Variants in SLC4A4 observed in about 807,000 individuals in gnomAD.
SLC4A4 encodes the protein solute carrier family 4 member 4, also known as electrogenic sodium bicarbonate cotransporter 1.
A neutral mutation model predicts 111.5 loss-of-function variants in SLC4A4; 27 were observed. That is an observed-to-expected ratio of 0.24 (90% CI 0.18 to 0.33). The LOEUF (loss-of-function observed/expected upper bound fraction) is 0.33. SLC4A4 is among the 10% of genes least tolerant of loss of function. The pLI is 1.00. For missense variants in SLC4A4, 909 were observed against 1,315.5 expected, an observed-to-expected ratio of 0.69 and a Z score of 4.78; for synonymous variants, 443 against 463.4, an observed-to-expected ratio of 0.96 and a Z score of 0.57.
chr4:71,164,506 C>T (rs1744690299), intron 2 of SLC4A4, among the ~76,000 whole-genome samples: 1 of 151,252 alleles, frequency 6.6e-6, no homozygotes, highest in Non-Finnish European at 1.5e-5. Context: ...GGCTTTAAAC[C>T]CTAAGTGTGT....
chr4:71,526,271 T>C (rs1278392824), intron 16 of SLC4A4, among the ~76,000 whole-genome samples: 1 of 152,082 alleles, frequency 6.6e-6, no homozygotes, highest in East Asian at 1.9e-4. Context: ...ATCTTAATAA[T>C]AAACACTCTC....
intron 16 of SLC4A4, among the ~76,000 whole-genome samples, chr4:71,501,049 A>G (rs1730875666): frequency 2.6e-5 from 4 of 152,186 alleles, no homozygotes; most frequent in African/African-American, 7.2e-5. Context: ...CTTTGGTAGT[A>G]TGGACTTTTT....
At chr4:71,468,172 T>C (rs1727552522) in intron 13 of SLC4A4, among the ~76,000 whole-genome samples, 1 of 152,120 alleles carries the variant, frequency 6.6e-6, no homozygotes, top group Non-Finnish European at 1.5e-5. Context: ...TCTATCATAA[T>C]TCTCAGAAGA....
chr4:71,343,085 G>A (rs757018535), intron 4 of SLC4A4, among the ~76,000 whole-genome samples: 4 of 152,158 alleles, frequency 2.6e-5, no homozygotes, highest in African/African-American at 4.8e-5. Context: ...TACCATGTCT[G>A]TTCACTATCA....
chr4:71,196,770 G>A (rs182746536), intron 1 of SLC4A4, among the ~76,000 whole-genome samples: 46 of 133,088 alleles, frequency 3.5e-4, no homozygotes, highest in African/African-American at 1.3e-3. Context: ...GGAGGCAGAG[G>A]CTGCAGTGAG....
intron 2 of SLC4A4, among the ~76,000 whole-genome samples, chr4:71,134,465 G>A (rs750845462): frequency 1.3e-5 from 2 of 152,208 alleles, no homozygotes; most frequent in Non-Finnish European, 2.9e-5. Context: ...AAGCTCTTTG[G>A]TGAAGGAGGA....
chr4:71,451,504 C>T (rs1280194631), intron 11 of SLC4A4, among the ~76,000 whole-genome samples: 1 of 152,056 alleles, frequency 6.6e-6, no homozygotes, highest in Non-Finnish European at 1.5e-5. Flanking sequence ...ATTGTAGTGA[C>T]AAGACATAAA....
At chr4:71,155,315 G>T (rs1216958518) in intron 2 of SLC4A4, among the ~76,000 whole-genome samples, 2 of 152,000 alleles carry the variant, frequency 1.3e-5, no homozygotes, top group Non-Finnish European at 2.9e-5. Context: ...TTGAATTAAG[G>T]TATCTCCATT....
intron 22 of SLC4A4, among the ~76,000 whole-genome samples, chr4:71,559,179 C>T (rs4694401): frequency 0.98 from 149,702 of 152,000 alleles, 73,750 homozygotes; most frequent in East Asian, 1. Context: ...ATAGAGAGCA[C>T]GATGCTGATA....
intron 7 of SLC4A4, among the ~76,000 whole-genome samples, chr4:71,435,390 C>A (rs750645279): frequency 2.6e-5 from 4 of 152,130 alleles, no homozygotes; most frequent in Non-Finnish European, 5.9e-5. Flanking sequence ...CTTCCTTACA[C>A]CTTATACAAA....
chr4:71,302,578 G>A (rs1382626930), intron 3 of SLC4A4, among the ~76,000 whole-genome samples: 1 of 152,200 alleles, frequency 6.6e-6, no homozygotes, highest in Non-Finnish European at 1.5e-5. Flanking sequence ...GTTGCCTGTA[G>A]CTCATTCTCT....
intron 3 of SLC4A4, among the ~76,000 whole-genome samples, chr4:71,266,176 C>CT: frequency 6.6e-6 from 1 of 152,196 alleles, no homozygotes; most frequent in Admixed American, 6.5e-5. Context: ...GGCAGTGGGA[C>CT]TTTTTTGGAA....
At chr4:71,332,465 G>A (rs928010326) in intron 3 of SLC4A4, among the ~76,000 whole-genome samples, 4 of 135,126 alleles carry the variant, frequency 3.0e-5, no homozygotes, top group African/African-American at 1.1e-4. Flanking sequence ...TTTTTTTTGA[G>A]ACGGAGTCTC....
chr4:71,328,259 G>A (rs1229175574), intron 3 of SLC4A4, among the ~76,000 whole-genome samples: 3 of 152,012 alleles, frequency 2.0e-5, no homozygotes, highest in African/African-American at 7.2e-5. Context: ...CCAAATCTTG[G>A]CTAGTATGAA....
intron 3 of SLC4A4, among the ~76,000 whole-genome samples, chr4:71,310,596 T>C (rs1726059378): frequency 6.6e-6 from 1 of 152,196 alleles, no homozygotes; most frequent in Admixed American, 6.5e-5. Context: ...CTAAGTTTCA[T>C]AAGCAAAGGA....
At chr4:71,529,810 A>G (rs1733756632) in intron 16 of SLC4A4, among the ~76,000 whole-genome samples, 1 of 152,118 alleles carries the variant, frequency 6.6e-6, no homozygotes, top group Admixed American at 6.6e-5. Context: ...TGTGTTGCCC[A>G]CTAGTTGCAT....
chr4:71,092,642 G>A (rs1742418961), intron 1 of SLC4A4, among the ~76,000 whole-genome samples: 3 of 152,164 alleles, frequency 2.0e-5, no homozygotes, highest in Admixed American at 6.5e-5. Context: ...TCTTACATGG[G>A]TTTAGGTAAT....
chr4:71,327,252 G>T (rs1727573675), intron 3 of SLC4A4, among the ~76,000 whole-genome samples: 1 of 151,946 alleles, frequency 6.6e-6, no homozygotes, highest in Admixed American at 6.6e-5. Context: ...TTTACTTTCT[G>T]ACTATTTCAT....
Position 71,534,324 on chromosome 4 carries a change from T to C in SLC4A4, c.2378T>C (p.Ile793Thr), listed in dbSNP as rs753776784. The change falls in exon 18 of 26, where the codon ATA (isoleucine) becomes ACA (threonine). Residue 793 changes from isoleucine (I) to threonine (T), a missense_variant. Coordinates refer to ENST00000264485, the MANE Select transcript of SLC4A4 (RefSeq NM_001098484.3). ...AAAIPALLVT[I>T]LIFMDQQITA... Reference sequence around the variant, plus strand: ...GCTATCCCGGCTTTGTTGGTCACTATACTGATTTTCATGGACCAACAAATT... The same window carrying C: ...GCTATCCCGGCTTTGTTGGTCACTACACTGATTTTCATGGACCAACAAATT... 5.0e-6 allele frequency: 8 copies of C among 1,613,536 alleles called. No individual in the cohort carries two copies.
Sources: allele counts gnomAD v4.1 joint callset (sites outside exome capture counted in the v4.1 genomes callset), GRCh38; gene constraint gnomAD v4.1.1; transcripts MANE v1.5; gene names NCBI Gene and HGNC (gene_info 2026-07-23, HGNC 2026-07-21).